PVT1: variants seen among roughly 807,000 people sequenced by gnomAD.
PVT1 encodes the protein CXCR4/PVT1 fusion.
chr8:128,096,502 T>C (rs1335669054), intron 5 of PVT1: 2 of 152,090 alleles, frequency 1.3e-5, no homozygotes, highest in Non-Finnish European at 2.9e-5. Flanking sequence ...CTTTTTTTTT[T>C]TCTCTTTCTC....
chr8:127,883,182 C>CA (rs34330730), intron 2 of PVT1, among the ~76,000 whole-genome samples: 30,795 of 151,904 alleles, frequency 0.2, 3,341 homozygotes, highest in Non-Finnish European at 0.25. Context: ...GCTCCCCCTG[C>CA]AAACGGTGCT....
chr8:127,933,740 C>T (rs1816239641), intron 3 of PVT1, among the ~76,000 whole-genome samples: 2 of 152,236 alleles, frequency 1.3e-5, no homozygotes, highest in South Asian at 4.2e-4. Context: ...TGGGAGTGGC[C>T]ATTTCTTCCA....
chr8:128,000,713 A>T (rs2130016738), intron 4 of PVT1, among the ~76,000 whole-genome samples: 1 of 152,280 alleles, frequency 6.6e-6, no homozygotes, highest in South Asian at 2.1e-4. Context: ...GTCCCATAAC[A>T]ATAGTTGATT....
chr8:127,947,501 A>T, intron 3 of PVT1: 1 of 348,950 alleles, frequency 2.9e-6, no homozygotes, highest in Non-Finnish European at 5.6e-6. Flanking sequence ...TCCCAATGCC[A>T]GGCACACTGA....
intron 4 of PVT1, among the ~76,000 whole-genome samples, chr8:128,051,096 AAG>A (rs1813688667): frequency 6.6e-6 from 1 of 152,258 alleles, no homozygotes; most frequent in South Asian, 2.1e-4. Context: ...AAGAGAATGA[AAG>A]AGAGTCACTT....
chr8:128,063,353 A>G (rs541865655), intron 4 of PVT1, among the ~76,000 whole-genome samples: 2 of 152,112 alleles, frequency 1.3e-5, no homozygotes, highest in East Asian at 3.9e-4. Context: ...TCTCACCAAA[A>G]CTACAAAAAT....
chr8:127,825,101 A>G (rs927718147), intron 2 of PVT1, among the ~76,000 whole-genome samples: 7 of 144,886 alleles, frequency 4.8e-5, no homozygotes, highest in African/African-American at 1.6e-4. Context: ...CCTGGGTAAC[A>G]GAGCCAAACA....
chr8:128,018,891 C>T (rs1010679065), intron 4 of PVT1, among the ~76,000 whole-genome samples: 1 of 152,214 alleles, frequency 6.6e-6, no homozygotes, highest in East Asian at 1.9e-4. Context: ...GAAGATTGTT[C>T]CTTGATAATC....
intron 2 of PVT1, among the ~76,000 whole-genome samples, chr8:127,850,675 CTGAT>C (rs747508550): frequency 6.6e-6 from 1 of 152,280 alleles, no homozygotes; most frequent in Non-Finnish European, 1.5e-5. Context: ...TGTAGACTCA[CTGAT>C]TGGGTAACTG....
At chr8:127,797,963 C>T (rs1198796580) in intron 2 of PVT1, among the ~76,000 whole-genome samples, 2 of 152,096 alleles carry the variant, frequency 1.3e-5, no homozygotes, top group Non-Finnish European at 2.9e-5. Flanking sequence ...CCACAGTCTT[C>T]GACTTCTTAG....
rs72720869 is a variant in PVT1, at chr8:128,018,571, G to A, written n.912+29280G>A. Among the ~76,000 whole-genome samples, 854 of 152,324 alleles carry A rather than the reference G, an allele frequency of 5.6e-3. 16 individuals are homozygous for A. In the East Asian group the frequency reaches 0.072, roughly 13 times the overall value. ...GATAGGTACCGAAACGTTCCAGATG[G>A]AAAGTCTCGTCTTCAGGTGGCCGTA... On this transcript the variant is annotated intron_variant and non_coding_transcript_variant, in intron 4 of 10. Transcript: ENST00000651587.
chr8:127,867,344 C>T (rs1815296377), intron 2 of PVT1, among the ~76,000 whole-genome samples: 1 of 152,240 alleles, frequency 6.6e-6, no homozygotes, highest in Non-Finnish European at 1.5e-5. Flanking sequence ...CTGCCTGGAA[C>T]ACCCCCATTT....
At chr8:127,834,443 A>G (rs1037424619) in intron 2 of PVT1, among the ~76,000 whole-genome samples, 7 of 152,150 alleles carry the variant, frequency 4.6e-5, no homozygotes, top group African/African-American at 4.8e-5. Flanking sequence ...AGGCTTAAAC[A>G]TAAGACCTAA....
intron 4 of PVT1, among the ~76,000 whole-genome samples, chr8:128,001,220 C>T (rs527461936): frequency 6.6e-6 from 1 of 152,316 alleles, no homozygotes; most frequent in African/African-American, 2.4e-5. Flanking sequence ...ATGACTGCTC[C>T]TGAGGGGCTC....
chr8:127,815,884 G>A (rs898858341), intron 2 of PVT1, among the ~76,000 whole-genome samples: 8 of 152,148 alleles, frequency 5.3e-5, no homozygotes, highest in Non-Finnish European at 1.0e-4. Flanking sequence ...CCAGCACTTT[G>A]GGAGGCCAAG....
chr8:128,088,430 G>A (rs1027343344), intron 5 of PVT1, among the ~76,000 whole-genome samples: 2 of 152,192 alleles, frequency 1.3e-5, no homozygotes, highest in Admixed American at 1.3e-4. Context: ...ACCTGAGGTG[G>A]AGAAAGATGT....
intron 2 of PVT1, among the ~76,000 whole-genome samples, chr8:127,876,995 C>T (rs73357008): frequency 0.011 from 1,734 of 152,238 alleles, 38 homozygotes; most frequent in African/African-American, 0.039. Context: ...CCCCGGAAGC[C>T]CAGCTAATCC....
At chr8:127,883,087 G>C (rs950513888) in intron 2 of PVT1, among the ~76,000 whole-genome samples, 5 of 73,384 alleles carry the variant, frequency 6.8e-5, no homozygotes, top group South Asian at 8.3e-4. Context: ...CACACACACA[G>C]ACACATGCGG....
intron 2 of PVT1, among the ~76,000 whole-genome samples, chr8:127,812,439 G>C (rs1360147669): frequency 6.6e-6 from 1 of 151,988 alleles, no homozygotes; most frequent in African/African-American, 2.4e-5. Flanking sequence ...CCAGTGGCAT[G>C]CACCTGTGGT....
Sources: gnomAD v4.1 joint callset for allele counts (sites outside exome capture counted in the v4.1 genomes callset) on GRCh38, gnomAD v4.1.1 for gene constraint, MANE v1.5 for transcripts, NCBI Gene and HGNC (gene_info 2026-07-23, HGNC 2026-07-21) for gene names.